The following TIGD4 variants were observed in gnomAD, a reference collection of about 807,000 sequenced individuals.
The protein encoded by TIGD4 is tigger transposable element-derived protein 4.
In TIGD4, 20 loss-of-function variants were observed where a neutral mutation model predicts 24.9. That is an observed-to-expected ratio of 0.80 (90% CI 0.56 to 1.17). The LOEUF (loss-of-function observed/expected upper bound fraction) is 1.17. Ranked by LOEUF, TIGD4 falls within the 50% of genes most tolerant of loss-of-function variation. The pLI is 0.00. For missense variants in TIGD4, 566 were observed against 591.0 expected (o/e 0.96, Z 0.44); for synonymous variants, 193 against 211.0 (o/e 0.91, Z 0.74).
intron 1 of TIGD4, among the ~76,000 whole-genome samples, chr4:152,778,322 G>A (rs1019004315): frequency 1.3e-5 from 2 of 152,120 alleles, no homozygotes; most frequent in Non-Finnish European, 2.9e-5. Context: ...GAGTCCTACC[G>A]TACACTTCCT....
chr4:152,770,566 G>A lies in TIGD4; in HGVS notation c.439C>T (p.Gln147Ter), dbSNP rs1289909506. Residue 147 changes from glutamine (Q) to a stop codon, truncating the protein, a stop_gained, in exon 2 of 2, where the codon CAA becomes TAA. Transcript: ENST00000304337. LOFTEE classifies it high-confidence loss of function. ...GGTACACCTGTAGCTTCTACAGGTT[G>A]AGCTCTGAATACTAAACCATACCTG... ...KSRYGLVFRAQPVEATGVPVD... is the reference protein window; with the variant it reads ...KSRYGLVFRA 3 of 1,612,140 alleles carry A rather than the reference G, an allele frequency of 1.9e-6. No individual in the cohort carries two copies. Among genetic ancestry groups the A allele is most frequent in the Admixed American group, 1.7e-5 (1 of 59,762 alleles).
chr4:152,775,100 A>G (rs1730240358), intron 1 of TIGD4, among the ~76,000 whole-genome samples: 1 of 152,150 alleles, frequency 6.6e-6, no homozygotes, highest in South Asian at 2.1e-4. Context: ...TATTTTTAGT[A>G]GAGACGGGGA....
At chr4:152,777,208 C>T (rs1181202903) in intron 1 of TIGD4, among the ~76,000 whole-genome samples, 2 of 152,094 alleles carry the variant, frequency 1.3e-5, no homozygotes, top group Non-Finnish European at 2.9e-5. Flanking sequence ...GCCTTTAATG[C>T]CAGGATAAAG....
intron 1 of TIGD4, among the ~76,000 whole-genome samples, chr4:152,773,707 T>A (rs1730217009): frequency 6.7e-6 from 1 of 148,386 alleles, no homozygotes; most frequent in Non-Finnish European, 1.5e-5. Context: ...CATTATGAAT[T>A]CTGTGAACAC....
chr4:152,773,553 T>A (rs933115606), intron 1 of TIGD4, among the ~76,000 whole-genome samples: 9 of 150,982 alleles, frequency 6.0e-5, no homozygotes, highest in African/African-American at 2.2e-4. Flanking sequence ...TATTACAGTA[T>A]CTTTGAATCA....
Position 152,770,769 on chromosome 4 carries a change from A to T in TIGD4, c.236T>A (p.Leu79Gln). The T allele has an allele frequency of 6.2e-7, 1 of 1,611,996 alleles. No individual in the cohort carries two copies. Among genetic ancestry groups the T allele is most frequent in the South Asian group, 1.1e-5 (1 of 90,428 alleles). The change falls in exon 2 of 2, where the codon CTG becomes CAG. Residue 79 changes from leucine to glutamine, a missense_variant. By Grantham distance (113) the Leu-to-Gln change is moderately radical. Transcript: ENST00000304337. ...CAGATCTGTGTAAAAAGCAGTTCTC[A>T]GTCTTTTTCTCTTTGGATCAAATCT... ...SLRFDPKRKR[L>Q]RTAFYTDLEE...
chr4:152,772,135 T>C (rs1212748486), intron 1 of TIGD4, among the ~76,000 whole-genome samples: 1 of 152,222 alleles, frequency 6.6e-6, no homozygotes, highest in Non-Finnish European at 1.5e-5. Flanking sequence ...TCTTTTTTCT[T>C]TTTTAACCCT....
chr4:152,770,823 T>C lies in TIGD4; in HGVS notation c.182A>G (p.Asp61Gly). The C allele has an allele frequency of 6.2e-7, 1 of 1,612,708 alleles. No individual in the cohort carries two copies. Residue 61 changes from aspartate (D) to glycine (G), a missense_variant, in exon 2 of 2, where the codon GAC becomes GGC. By Grantham distance (94) the Asp-to-Gly change is moderately conservative. Coordinates refer to ENST00000304337, the MANE Select transcript of TIGD4 (RefSeq NM_145720.4). ...NSLSSIMKNK[D>G]KVLEAFESLR... The stretch of plus-strand genomic sequence containing the variant: ...AGATTCAAAGGCTTCTAGAACTTTG[T>C]CTTTATTCTTCATAATAGAAGACAA...
In TIGD4 at chr4:152,769,366, C is replaced by A. The variant is rs1478345363; in HGVS notation, c.*100G>T. 1.2e-6 allele frequency: 1 copy of A among 835,194 alleles called. No homozygotes were observed. Among genetic ancestry groups the A allele is most frequent in the East Asian group, 3.1e-5 (1 of 32,646 alleles). The allele number at this position is 835,194 out of a possible 1,614,324, so 51.7% of individuals were successfully genotyped here. A position where few individuals can be genotyped will look rare whatever the true frequency, so the allele number is the denominator to read the frequency against. ...ATTAAACCAAGGATTAGCAGTTTTC[C>A]ATTTTTTATGTTTAAGTGGTGTGGT... is the stretch of plus-strand genomic sequence containing the variant. On this transcript the variant is annotated 3_prime_UTR_variant, in exon 2 of 2. Coordinates refer to ENST00000304337, the MANE Select transcript of TIGD4 (RefSeq NM_145720.4).
rs1329846773 is a variant in TIGD4, at chr4:152,770,900, A to G, written c.105T>C (p.Ser35=). ...CAGCAATCTCTGCTTTTTTCTTGCC[A>G]CTTTCCACTGCATTTATGATGTCGA... The part of the protein sequence containing the change: ...EKIDIINAVE[S]GKKKAEIAAE... Residue 35 remains serine, a synonymous_variant, in exon 2 of 2, where the codon AGT becomes AGC. Coordinates refer to ENST00000304337, the MANE Select transcript of TIGD4 (RefSeq NM_145720.4). The G allele has an allele frequency of 6.2e-7, 1 of 1,613,866 alleles. No individual in the cohort carries two copies. Among genetic ancestry groups the G allele is most frequent in the Non-Finnish European group, 8.5e-7 (1 of 1,179,908 alleles).
At chr4:152,773,352 T>C (rs1730209336) in intron 1 of TIGD4, among the ~76,000 whole-genome samples, 1 of 152,178 alleles carries the variant, frequency 6.6e-6, no homozygotes, top group South Asian at 2.1e-4. Context: ...TTTAAAAAAG[T>C]GTCATTTCGA....
At chr4:152,779,412 G>C (rs1578779530) in intron 1 of TIGD4, 70 bp downstream of exon 1, 1 of 152,288 alleles carries the variant, frequency 6.6e-6, no homozygotes, top group South Asian at 2.1e-4. Flanking sequence ...GGCAGCGCCC[G>C]CATTCCGTCT....
At position 152,769,719 on chromosome 4, in the gene TIGD4, G is replaced by A. The variant is rs769267643; in HGVS notation, c.1286C>T (p.Thr429Ile). ...EYAALDDDLE[T>I]CEAAPNGDSI... Reference sequence around the variant, plus strand: ...ATCACCATTTGGTGCTGCTTCACATGTCTCCAAATCATCATCCAGGGCAGC... The same window carrying A: ...ATCACCATTTGGTGCTGCTTCACATATCTCCAAATCATCATCCAGGGCAGC... The change falls in exon 2 of 2, where the codon ACA becomes ATA. Residue 429 changes from threonine to isoleucine, a missense_variant. Physicochemically the swap from Thr to Ile is moderately conservative, Grantham distance 89. Coordinates refer to ENST00000304337, the MANE Select transcript of TIGD4 (RefSeq NM_145720.4). 3.7e-6 allele frequency: 6 copies of A among 1,613,756 alleles called. No individual in the cohort carries two copies. The highest frequency in any genetic ancestry group is 1.3e-5 in the African/African-American group (1 of 74,904).
intron 1 of TIGD4, among the ~76,000 whole-genome samples, chr4:152,778,635 T>C (rs1347415463): frequency 6.6e-6 from 1 of 152,200 alleles, no homozygotes; most frequent in East Asian, 1.9e-4. Flanking sequence ...ACTATTTTTT[T>C]AAGAGGTGGT....
At chr4:152,777,658 G>C (rs1184699828) in intron 1 of TIGD4, among the ~76,000 whole-genome samples, 1 of 147,730 alleles carries the variant, frequency 6.8e-6, no homozygotes, top group Non-Finnish European at 1.5e-5. Context: ...GAGACAAGAA[G>C]GAAAGGAGGA....
intron 1 of TIGD4, among the ~76,000 whole-genome samples, chr4:152,778,370 T>C (rs965598065): frequency 2.0e-5 from 3 of 152,220 alleles, no homozygotes; most frequent in Admixed American, 2.0e-4. Context: ...ACAACACTTG[T>C]ACTTAGCTGC....
chr4:152,775,313 A>G (rs1246382422), intron 1 of TIGD4, among the ~76,000 whole-genome samples: 1 of 152,210 alleles, frequency 6.6e-6, no homozygotes, highest in Non-Finnish European at 1.5e-5. Flanking sequence ...AATTACCACA[A>G]ACTCAATGCC....
chr4:152,778,926 G>A (rs1347585931), intron 1 of TIGD4, among the ~76,000 whole-genome samples: 2 of 152,210 alleles, frequency 1.3e-5, no homozygotes, highest in East Asian at 1.9e-4. Flanking sequence ...AGTGAAATGG[G>A]AGTAAAAATG....
Position 152,771,200 on chromosome 4 carries a change from T to C in TIGD4, c.-196A>G, listed in dbSNP as rs1730167036. On this transcript the variant is annotated 5_prime_UTR_variant, in exon 2 of 2. It adds an upstream start codon to the 5' untranslated region. Coordinates refer to ENST00000304337, the MANE Select transcript of TIGD4 (RefSeq NM_145720.4). ...TTTTCAAAGATCTGAAGAAAAATAT[T>C]ATATGCAACTAGAATATTTTAGAAG... 1.8e-6 allele frequency: 1 copy of C among 559,754 alleles called. No individual in the cohort carries two copies. The allele number at this position is 559,754 out of a possible 1,614,324, so 34.7% of individuals were successfully genotyped here.
Sources: gnomAD v4.1 joint callset for allele counts (sites outside exome capture counted in the v4.1 genomes callset) on GRCh38, gnomAD v4.1.1 for gene constraint, MANE v1.5 for transcripts, NCBI Gene and HGNC (gene_info 2026-07-23, HGNC 2026-07-21) for gene names.